RAD51B: variants seen among roughly 807,000 people sequenced by gnomAD.
The protein encoded by RAD51B is DNA repair protein RAD51 homolog 2.
In RAD51B, 38 loss-of-function variants were observed where a neutral mutation model predicts 42.2. That is an observed-to-expected ratio of 0.90 (90% CI 0.70 to 1.18). The LOEUF is 1.18. Ranked by LOEUF, RAD51B falls within the 50% of genes most tolerant of loss-of-function variation. The pLI is 0.00. For missense variants in RAD51B, 373 were observed against 400.7 expected (o/e 0.93, Z 0.59); for synonymous variants, 154 against 145.2 (o/e 1.06, Z -0.43).
At chr14:68,614,388 C>T (rs562620502), downstream of RAD51B, among the ~76,000 whole-genome samples, 1 of 152,072 alleles carries the variant, frequency 6.6e-6, no homozygotes, top group East Asian at 1.9e-4. Context: ...TAAAATTCAC[C>T]CTCTTAAAGT....
chr14:68,202,658 C>G (rs2140928296), intron 7 of RAD51B, among the ~76,000 whole-genome samples: 1 of 148,516 alleles, frequency 6.7e-6, no homozygotes, highest in East Asian at 2.0e-4. Flanking sequence ...TCTTGGTTCA[C>G]CGCAGCCTCT....
chr14:67,928,217 T>C (rs2044596173), intron 7 of RAD51B, among the ~76,000 whole-genome samples: 1 of 152,178 alleles, frequency 6.6e-6, no homozygotes, highest in African/African-American at 2.4e-5. Flanking sequence ...GATTCAATCT[T>C]GTTGGATTGT....
intron 7 of RAD51B, among the ~76,000 whole-genome samples, chr14:68,057,128 G>A (rs1170843663): frequency 6.6e-6 from 1 of 151,810 alleles, no homozygotes; most frequent in African/African-American, 2.4e-5. Flanking sequence ...AATATTTATT[G>A]GGTTGGGTGG....
At chr14:68,078,491 C>G (rs2076867096) in intron 7 of RAD51B, among the ~76,000 whole-genome samples, 1 of 152,052 alleles carries the variant, frequency 6.6e-6, no homozygotes, top group Non-Finnish European at 1.5e-5. Context: ...CTAAGCCCTT[C>G]ACCTTTTTTT....
At chr14:68,615,057 G>A (rs2877493), downstream of RAD51B, among the ~76,000 whole-genome samples, 31,001 of 152,128 alleles carry the variant, frequency 0.2, 3,718 homozygotes, top group African/African-American at 0.33. Flanking sequence ...ATTTTTGGTA[G>A]AGATGGGATT....
chr14:68,448,285 G>A (rs181811195), intron 9 of RAD51B, among the ~76,000 whole-genome samples: 2 of 152,336 alleles, frequency 1.3e-5, no homozygotes, highest in Admixed American at 1.3e-4. Flanking sequence ...TAGTCTACCA[G>A]GACATCTCTT....
At chr14:68,660,805 C>A (rs1892917598) in intron 11 of RAD51B, among the ~76,000 whole-genome samples, 1 of 152,210 alleles carries the variant, frequency 6.6e-6, no homozygotes, top group South Asian at 2.1e-4. Context: ...GGAAGAGCCA[C>A]TTGTTTCCAG....
intron 7 of RAD51B, among the ~76,000 whole-genome samples, chr14:68,045,584 A>G (rs574569980): frequency 9.8e-4 from 150 of 152,360 alleles, no homozygotes; most frequent in Non-Finnish European, 1.7e-3. Flanking sequence ...AACTTAATTT[A>G]GATTTCATAA....
chr14:68,364,156 C>T (rs1257194050), intron 8 of RAD51B, among the ~76,000 whole-genome samples: 1 of 152,194 alleles, frequency 6.6e-6, no homozygotes, highest in African/African-American at 2.4e-5. Context: ...TCCGATTGCC[C>T]CAGTGTGTGT....
intron 8 of RAD51B, among the ~76,000 whole-genome samples, chr14:68,410,944 G>A (rs1044769634): frequency 2.6e-5 from 4 of 151,120 alleles, no homozygotes; most frequent in African/African-American, 9.9e-5. Context: ...GTGTATACGG[G>A]GGGGTGGGAG....
At chr14:68,258,941 G>A (rs78723876) in intron 7 of RAD51B, among the ~76,000 whole-genome samples, 1,654 of 152,234 alleles carry the variant, frequency 0.011, 30 homozygotes, top group African/African-American at 0.038. Context: ...CTCTACTGCC[G>A]GTGGCCTAAG....
intron 10 of RAD51B, among the ~76,000 whole-genome samples, chr14:68,590,117 G>C (rs571364838): frequency 6.6e-6 from 1 of 152,192 alleles, no homozygotes. Context: ...AGCCGACTGG[G>C]GTGTCACCCA....
intron 10 of RAD51B, among the ~76,000 whole-genome samples, chr14:68,472,663 T>C (rs1594887866): frequency 6.6e-6 from 1 of 152,062 alleles, no homozygotes; most frequent in Non-Finnish European, 1.5e-5. Context: ...GTATGACAGG[T>C]TTAATTTGGA....
chr14:68,636,842 C>T (rs1431594758), intron 10 of RAD51B, among the ~76,000 whole-genome samples: 2 of 152,108 alleles, frequency 1.3e-5, no homozygotes, highest in South Asian at 2.1e-4. Context: ...AGCAGGAGGA[C>T]GGCGGCCCCA....
At chr14:68,605,678 G>T (rs1344967321) in intron 10 of RAD51B, among the ~76,000 whole-genome samples, 1 of 152,212 alleles carries the variant, frequency 6.6e-6, no homozygotes, top group Non-Finnish European at 1.5e-5. Flanking sequence ...CCCCACTCCT[G>T]TGTCTTAACT....
chr14:68,677,177 A>G (rs1055040637), intron 11 of RAD51B, among the ~76,000 whole-genome samples: 3 of 152,052 alleles, frequency 2.0e-5, no homozygotes, highest in South Asian at 2.1e-4. Context: ...TTGGGTACCT[A>G]TGCCATTTAA....
chr14:68,546,435 T>C (rs186841045), intron 10 of RAD51B, among the ~76,000 whole-genome samples: 1 of 152,198 alleles, frequency 6.6e-6, no homozygotes, highest in East Asian at 1.9e-4. Flanking sequence ...GAAGAGGGGC[T>C]TGTTATGGGA....
chr14:68,374,929 T>C (rs922591370), intron 8 of RAD51B, among the ~76,000 whole-genome samples: 13 of 151,678 alleles, frequency 8.6e-5, no homozygotes, highest in Non-Finnish European at 2.9e-5. Flanking sequence ...TCCTGGATTA[T>C]GCCCGTATCT....
chr14:68,146,658 T>G (rs1483971080), intron 7 of RAD51B, among the ~76,000 whole-genome samples: 1 of 152,226 alleles, frequency 6.6e-6, no homozygotes, highest in Non-Finnish European at 1.5e-5. Flanking sequence ...AGAGGCACTA[T>G]GTACCTAACA....
Sources: allele counts gnomAD v4.1 joint callset (sites outside exome capture counted in the v4.1 genomes callset), GRCh38; gene constraint gnomAD v4.1.1; transcripts MANE v1.5; gene names NCBI Gene and HGNC (gene_info 2026-07-23, HGNC 2026-07-21).